The following MYO3B variants were observed in gnomAD, a reference collection of about 807,000 sequenced individuals.
MYO3B encodes myosin IIIB.
MYO3B carries 156 observed loss-of-function variants against 174.6 expected under a neutral mutation model. The ratio of observed to expected loss-of-function variants is 0.89; its 90% CI spans 0.78 to 1.02. The LOEUF (loss-of-function observed/expected upper bound fraction) is 1.02, where lower values mean the gene tolerates loss of function less well. Among genes scored for constraint, MYO3B ranks in the 50% least tolerant of loss-of-function variants. The pLI is 0.00. For missense variants in MYO3B, 1,632 were observed against 1,639.4 expected (o/e 1.00, Z 0.08); for synonymous variants, 563 against 569.1 (o/e 0.99, Z 0.15).
At chr2:170,492,245 A>T (rs992551095) in intron 25 of MYO3B, among the ~76,000 whole-genome samples, 3 of 152,178 alleles carry the variant, frequency 2.0e-5, no homozygotes, top group Admixed American at 1.3e-4. Context: ...TGTTCCTTCT[A>T]ATCCTCTCAG....
intron 32 of MYO3B, among the ~76,000 whole-genome samples, chr2:170,562,180 A>T (rs1691753362): frequency 6.6e-6 from 1 of 152,178 alleles, no homozygotes; most frequent in African/African-American, 2.4e-5. Flanking sequence ...AAGTGGTGGT[A>T]ATGTTTTCTG....
At chr2:170,290,310 A>G (rs2883757) in intron 7 of MYO3B, among the ~76,000 whole-genome samples, 150,344 of 152,292 alleles carry the variant, frequency 0.99, 74,244 homozygotes, top group Middle Eastern at 1. Flanking sequence ...ACTGCAATCT[A>G]TCTCTCCCTT....
chr2:170,353,657 G>A (rs1490937908), intron 8 of MYO3B, among the ~76,000 whole-genome samples: 1 of 151,882 alleles, frequency 6.6e-6, no homozygotes, highest in Non-Finnish European at 1.5e-5. Flanking sequence ...CGTGTAGGGG[G>A]GCCGGGGTAT....
chr2:170,652,148 A>C lies in MYO3B; in HGVS notation c.3881A>C (p.Lys1294Thr). The C allele has an allele frequency of 1.2e-6, 2 of 1,614,062 alleles. No individual in the cohort carries two copies. The highest frequency in any genetic ancestry group is 1.7e-6 in the Non-Finnish European group (2 of 1,179,942). Residue 1294 changes from lysine (K) to threonine (T), a missense_variant, in exon 34 of 35, where the codon AAA (lysine) becomes ACA (threonine). By Grantham distance (78) the Lys-to-Thr change is moderately conservative (BLOSUM62 -1). Transcript: ENST00000408978. ...EYQGSKRKPR[K>T]LGQIKVLDGE... Reference sequence around the variant, plus strand: ...CAAGGGAGCAAGAGGAAGCCAAGAAAACTTGGGTAAATATCTGTCTTCTTA... The same window carrying C: ...CAAGGGAGCAAGAGGAAGCCAAGAACACTTGGGTAAATATCTGTCTTCTTA...
At chr2:170,638,720 C>T (rs1697726455) in intron 32 of MYO3B, among the ~76,000 whole-genome samples, 1 of 152,198 alleles carries the variant, frequency 6.6e-6, no homozygotes, top group South Asian at 2.1e-4. Flanking sequence ...GAATGTGACT[C>T]CAAGGAGAGC....
intron 24 of MYO3B, among the ~76,000 whole-genome samples, chr2:170,466,216 T>C (rs570842935): frequency 1.3e-5 from 2 of 151,446 alleles, no homozygotes; most frequent in South Asian, 4.2e-4. Context: ...GCGACAAGCA[T>C]TCTAGTTCTG....
intron 10 of MYO3B, 46 bp downstream of exon 10, chr2:170,382,158 A>G (rs1405279430): frequency 6.7e-7 from 1 of 1,502,208 alleles, no homozygotes; most frequent in Non-Finnish European, 9.3e-7. Context: ...CATTTGTTTC[A>G]TGTGAATGGT....
At chr2:170,546,726 A>G (rs1690518351) in intron 32 of MYO3B, among the ~76,000 whole-genome samples, 1 of 152,214 alleles carries the variant, frequency 6.6e-6, no homozygotes, top group Non-Finnish European at 1.5e-5. Context: ...ATTTTTAGCA[A>G]ATTATACCTT....
At chr2:170,538,234 G>A (rs1575134035) in intron 30 of MYO3B, among the ~76,000 whole-genome samples, 1 of 152,158 alleles carries the variant, frequency 6.6e-6, no homozygotes, top group Admixed American at 6.5e-5. Flanking sequence ...ATTCTAATGT[G>A]TAATTTAGTC....
rs115899793 is a variant in MYO3B at position 170,187,885 on chromosome 2, T to C, written c.2+9596T>C. ...ATTTTTTAAGACTAATTTGGTGGCA[T>C]AACATATGATCTATCCTTGGGAGTG... On this transcript the variant is annotated intron_variant, in intron 1 of 34. Coordinates refer to ENST00000408978, the MANE Select transcript of MYO3B (RefSeq NM_138995.5). 4.0e-3 allele frequency among the ~76,000 whole-genome samples: 606 copies of C among 152,318 alleles called. 4 individuals carry two copies. The highest frequency in any genetic ancestry group is 0.013 in the African/African-American group (557 of 41,578).
chr2:170,630,568 G>A (rs1353020536), intron 32 of MYO3B, among the ~76,000 whole-genome samples: 1 of 152,176 alleles, frequency 6.6e-6, no homozygotes, highest in Non-Finnish European at 1.5e-5. Flanking sequence ...CACAGTGTTT[G>A]AGCTCTGAGA....
At chr2:170,407,975 C>CT in intron 22 of MYO3B, 131 bp downstream of exon 22, 3 of 1,062,864 alleles carry the variant, frequency 2.8e-6, no homozygotes, top group Non-Finnish European at 4.1e-6. Context: ...GAGTAAGGGT[C>CT]TAAATTCAAG....
rs539448244 is a variant in MYO3B, at chr2:170,402,212, A to C, written c.2129+521A>C. The stretch of plus-strand genomic sequence containing the variant: ...GACCTTGAGCAGTAGGATGTGAATA[A>C]CTAACTCCCATATGCTTTGTGTTCC... On this transcript the variant is annotated intron_variant, in intron 18 of 34. Coordinates refer to ENST00000408978, the MANE Select transcript of MYO3B (RefSeq NM_138995.5). 2.0e-3 allele frequency among the ~76,000 whole-genome samples: 303 copies of C among 152,188 alleles called. 3 individuals are homozygous for C. The highest frequency in any genetic ancestry group is 7.1e-3 in the African/African-American group (295 of 41,542).
chr2:170,216,892 A>AGG, intron 5 of MYO3B, among the ~76,000 whole-genome samples: 1 of 151,696 alleles, frequency 6.6e-6, no homozygotes, highest in East Asian at 1.9e-4. Flanking sequence ...CATTAGGGAA[A>AGG]AAAAAAAATC....
chr2:170,529,129 A>G (rs971390252), intron 30 of MYO3B, among the ~76,000 whole-genome samples: 2 of 152,154 alleles, frequency 1.3e-5, no homozygotes, highest in Non-Finnish European at 2.9e-5. Context: ...TAATGCCTCT[A>G]CTTTTTCTAA....
intron 22 of MYO3B, among the ~76,000 whole-genome samples, chr2:170,434,313 T>C (rs1216458541): frequency 2.0e-5 from 3 of 152,164 alleles, no homozygotes; most frequent in Non-Finnish European, 4.4e-5. Context: ...AAAGTTTTGG[T>C]GCTGCAAAAG....
chr2:170,382,137 C>A, intron 10 of MYO3B, 25 bp downstream of exon 10: 1 of 1,569,000 alleles, frequency 6.4e-7, no homozygotes, highest in Non-Finnish European at 8.8e-7. Context: ...GTAGACAATT[C>A]TCATTGAAGA....
intron 22 of MYO3B, among the ~76,000 whole-genome samples, chr2:170,426,362 GTCTC>G (rs1381234624): frequency 2.0e-5 from 3 of 148,198 alleles, no homozygotes; most frequent in Non-Finnish European, 3.0e-5. Flanking sequence ...TTGAGATGGA[GTCTC>G]TCTCTGTCAC....
chr2:170,228,427 G>A lies in MYO3B; in HGVS notation c.604-7564G>A, dbSNP rs115657678. Among the ~76,000 whole-genome samples the A allele has an allele frequency of 8.1e-3, 1,226 of 152,296 alleles. 22 individuals are homozygous for A. Among genetic ancestry groups the A allele is most frequent in the African/African-American group, 0.028 (1,158 of 41,556 alleles). Reference sequence around the variant, plus strand: ...TGGAACAGGCAAGGACAGTGGGATTGCACTGGGTCTCCAAGCAAATGTGCT... The same window carrying A: ...TGGAACAGGCAAGGACAGTGGGATTACACTGGGTCTCCAAGCAAATGTGCT... On this transcript the variant is annotated intron_variant, in intron 6 of 34. Transcript: ENST00000408978.
Sources: allele counts gnomAD v4.1 joint callset (sites outside exome capture counted in the v4.1 genomes callset), GRCh38; gene constraint gnomAD v4.1.1; transcripts MANE v1.5; gene names NCBI Gene and HGNC (gene_info 2026-07-23, HGNC 2026-07-21).